The following BBS9 variants were observed in gnomAD, a reference collection of about 807,000 sequenced individuals.
The protein encoded by BBS9 is Bardet-Biedl syndrome 9, also known as protein PTHB1.
A neutral mutation model predicts 117.7 loss-of-function variants in BBS9; 89 were observed. The ratio of observed to expected loss-of-function variants is 0.76; its 90% CI spans 0.64 to 0.90. BBS9 has a LOEUF of 0.90. Ranked by LOEUF, BBS9 falls within the 40% of genes least tolerant of loss-of-function variation. The pLI is 0.00. For missense variants in BBS9, 982 were observed against 1,042.2 expected (o/e 0.94, Z 0.80); for synonymous variants, 379 against 370.9 (o/e 1.02, Z -0.25).
intron 19 of BBS9, among the ~76,000 whole-genome samples, chr7:33,392,503 G>A (rs1450643617): frequency 1.3e-5 from 2 of 152,160 alleles, no homozygotes; most frequent in Non-Finnish European, 2.9e-5. Flanking sequence ...CACTTTTCAA[G>A]CATCTGTTTG....
chr7:33,275,197 T>C (rs1226674956), intron 9 of BBS9, among the ~76,000 whole-genome samples: 1 of 152,142 alleles, frequency 6.6e-6, no homozygotes, highest in African/African-American at 2.4e-5. Context: ...TTGAAAACAT[T>C]GAATATTTTA....
intron 20 of BBS9, among the ~76,000 whole-genome samples, chr7:33,527,357 C>T (rs1015532007): frequency 3.9e-5 from 6 of 152,146 alleles, no homozygotes; most frequent in African/African-American, 1.4e-4. Context: ...CTCGCTGCCG[C>T]CTTGCAGTGT....
At chr7:33,381,936 C>T (rs779383331) in intron 17 of BBS9, among the ~76,000 whole-genome samples, 6 of 151,976 alleles carry the variant, frequency 3.9e-5, no homozygotes, top group Admixed American at 2.0e-4. Flanking sequence ...ATAACCAATC[C>T]GAAGAAGTAA....
rs139067872 is a variant in BBS9 at position 33,591,849 on chromosome 7, A to G, written c.2522-13016A>G. Among the ~76,000 whole-genome samples the G allele has an allele frequency of 2.6e-3, 392 of 151,472 alleles. 3 individuals are homozygous for G. Among genetic ancestry groups the G allele is most frequent in the African/African-American group, 8.9e-3 (367 of 41,288 alleles). ...TAGAAAACAATGAATGTGATTATGT[A>G]CCCCTGGCCGTCGTCGCCATCATCA... On this transcript the variant is annotated intron_variant, in intron 21 of 22. Coordinates refer to ENST00000242067, the MANE Select transcript of BBS9 (RefSeq NM_198428.3).
chr7:33,561,954 C>G (rs1856147715), intron 21 of BBS9, among the ~76,000 whole-genome samples: 1 of 152,130 alleles, frequency 6.6e-6, no homozygotes, highest in Non-Finnish European at 1.5e-5. Flanking sequence ...TCTTTTCTTT[C>G]TTGAAAAATA....
intron 7 of BBS9, among the ~76,000 whole-genome samples, chr7:33,271,016 G>A (rs895678307): frequency 2.6e-5 from 4 of 152,082 alleles, no homozygotes; most frequent in Non-Finnish European, 2.9e-5. Flanking sequence ...CGGACCTTTC[G>A]GCAGAAACCC....
intron 14 of BBS9, 80 bp downstream of exon 14, chr7:33,351,403 T>G (rs775857051): frequency 1.1e-6 from 1 of 901,730 alleles, no homozygotes; most frequent in Non-Finnish European, 1.9e-6. Context: ...TGAGAAAACA[T>G]ACTGTGAAAT....
At chr7:33,390,692 A>C (rs916392530) in intron 19 of BBS9, 3 of 798,158 alleles carry the variant, frequency 3.8e-6, no homozygotes, top group African/African-American at 3.7e-5. Context: ...CATGAATATA[A>C]TTTCCCAAAG....
intron 19 of BBS9, among the ~76,000 whole-genome samples, chr7:33,454,854 A>G (rs1838408149): frequency 1.3e-5 from 2 of 152,190 alleles, no homozygotes; most frequent in South Asian, 2.1e-4. Flanking sequence ...CCTTGGTTTT[A>G]TAGACAACTT....
chr7:33,393,100 A>C (rs1827337552), intron 19 of BBS9, among the ~76,000 whole-genome samples: 1 of 152,168 alleles, frequency 6.6e-6, no homozygotes, highest in South Asian at 2.1e-4. Context: ...CGGGAGGTTG[A>C]GGCTGCAATG....
At chr7:33,136,855 C>T (rs1278959305) in intron 1 of BBS9, among the ~76,000 whole-genome samples, 2 of 152,058 alleles carry the variant, frequency 1.3e-5, no homozygotes, top group Non-Finnish European at 1.5e-5. Flanking sequence ...AGTATCCTCT[C>T]CTCTTTTATT....
chr7:33,615,552 A>AC (rs1865088385), intron 21 of BBS9, among the ~76,000 whole-genome samples: 1 of 152,116 alleles, frequency 6.6e-6, no homozygotes, highest in Non-Finnish European at 1.5e-5. Context: ...GCAAAGAAAA[A>AC]AAAATACTGG....
chr7:33,341,543 G>T (rs1816561175), intron 11 of BBS9, among the ~76,000 whole-genome samples: 1 of 151,992 alleles, frequency 6.6e-6, no homozygotes. Context: ...TCCACAAAAT[G>T]GGAATAATAA....
At chr7:33,446,866 A>G (rs1398855729) in intron 19 of BBS9, among the ~76,000 whole-genome samples, 1 of 152,164 alleles carries the variant, frequency 6.6e-6, no homozygotes, top group Admixed American at 6.5e-5. Flanking sequence ...TCCGGCTGGC[A>G]TCTGGACAAA....
At chr7:33,356,245 T>C (rs1193314460) in intron 15 of BBS9, among the ~76,000 whole-genome samples, 1 of 151,836 alleles carries the variant, frequency 6.6e-6, no homozygotes, top group African/African-American at 2.4e-5. Context: ...AATTTGAGGA[T>C]ATATAGAGTA....
chr7:33,203,482 T>C (rs147850463), intron 5 of BBS9, among the ~76,000 whole-genome samples: 2 of 152,272 alleles, frequency 1.3e-5, no homozygotes, highest in East Asian at 3.9e-4. Context: ...ACAGAGACTT[T>C]TCTGGGCTTA....
intron 19 of BBS9, among the ~76,000 whole-genome samples, chr7:33,447,673 G>A (rs914094264): frequency 3.3e-5 from 5 of 152,194 alleles, no homozygotes; most frequent in African/African-American, 1.2e-4. Flanking sequence ...GGAATGATTA[G>A]GTTAATGATC....
intron 21 of BBS9, among the ~76,000 whole-genome samples, chr7:33,553,741 A>G (rs1403130187): frequency 6.6e-6 from 1 of 152,172 alleles, no homozygotes; most frequent in African/African-American, 2.4e-5. Flanking sequence ...ACTCATGAAT[A>G]GGACAATTTT....
intron 5 of BBS9, among the ~76,000 whole-genome samples, chr7:33,252,012 C>A (rs903750971): frequency 4.6e-5 from 7 of 152,098 alleles, no homozygotes; most frequent in Non-Finnish European, 1.0e-4. Flanking sequence ...GTACAGGAAG[C>A]ATGATGCTGG....
Sources: allele counts gnomAD v4.1 joint callset (sites outside exome capture counted in the v4.1 genomes callset), GRCh38; gene constraint gnomAD v4.1.1; transcripts MANE v1.5; gene names NCBI Gene and HGNC (gene_info 2026-07-23, HGNC 2026-07-21).